The following CLDN18 variants were observed in gnomAD, a reference collection of about 807,000 sequenced individuals.
CLDN18 encodes claudin-18.
CLDN18 carries 20 observed loss-of-function variants against 25.0 expected under a neutral mutation model. The ratio of observed to expected loss-of-function variants is 0.80; its 90% CI spans 0.56 to 1.16. CLDN18 has a LOEUF of 1.16. Ranked by LOEUF, CLDN18 falls within the 50% of genes most tolerant of loss-of-function variation. The pLI is 0.00. For missense variants in CLDN18, 297 were observed against 345.4 expected (o/e 0.86, Z 1.11); for synonymous variants, 125 against 135.6 (o/e 0.92, Z 0.54).
intron 3 of CLDN18, among the ~76,000 whole-genome samples, chr3:138,026,910 T>C (rs1232498928): frequency 6.6e-6 from 1 of 152,162 alleles, no homozygotes; most frequent in Non-Finnish European, 1.5e-5. Context: ...TGAGCTTTCA[T>C]ACCTCGGTGC....
chr3:138,007,094 G>A (rs1437722881), upstream of CLDN18, among the ~76,000 whole-genome samples: 1 of 151,974 alleles, frequency 6.6e-6, no homozygotes, highest in Non-Finnish European at 1.5e-5. Context: ...GTATTGTCGG[G>A]GGAAGGTTAG....
At chr3:138,024,307 A>C (rs1208225237) in intron 2 of CLDN18, among the ~76,000 whole-genome samples, 1 of 152,206 alleles carries the variant, frequency 6.6e-6, no homozygotes, top group Non-Finnish European at 1.5e-5. Flanking sequence ...TTAAGGGAAG[A>C]TACTTTGACA....
intron 1 of CLDN18, among the ~76,000 whole-genome samples, chr3:137,999,624 C>G (rs1284159252): frequency 6.6e-6 from 1 of 152,124 alleles, no homozygotes; most frequent in African/African-American, 2.4e-5. Context: ...CAGATGGGCC[C>G]CTGCACTGGG....
intron 3 of CLDN18, among the ~76,000 whole-genome samples, chr3:138,025,274 G>A (rs752216815): frequency 1.3e-5 from 2 of 152,188 alleles, no homozygotes; most frequent in African/African-American, 4.8e-5. Context: ...ACTCTCACAG[G>A]GGGTACAGTC....
chr3:137,999,193 C>A, intron 1 of CLDN18: 1 of 1,020,352 alleles, frequency 9.8e-7, no homozygotes. Context: ...GAGGGAGGAA[C>A]TGCGATTCGT....
upstream of CLDN18, chr3:138,010,006 A>G (rs762888713): frequency 2.8e-6 from 2 of 724,782 alleles, no homozygotes; most frequent in Non-Finnish European, 4.3e-6. Flanking sequence ...CGGAGAGCAG[A>G]CAAGTGCCTC....
intron 1 of CLDN18, among the ~76,000 whole-genome samples, chr3:138,022,211 C>A (rs562709729): frequency 3.9e-5 from 6 of 152,128 alleles, no homozygotes; most frequent in African/African-American, 1.4e-4. Context: ...GTGTCCAGCA[C>A]AAACATTCTG....
rs369419550 is a variant in CLDN18, at chr3:138,023,556, T to C, written c.221-102T>C. ...ACTTTGCTGTCTCTCAGAGGTTTGG[T>C]GCAGGTTAGTTGTGGTTGCTTTGTT... is the stretch of plus-strand genomic sequence containing the variant. On this transcript the variant is annotated intron_variant, in intron 1 of 4. Coordinates refer to ENST00000183605, the MANE Select transcript of CLDN18 (RefSeq NM_016369.4). The C allele has an allele frequency of 2.0e-5, 22 of 1,123,046 alleles. No individual in the cohort carries two copies. The East Asian group carries it at 2.4e-4, about 12-fold the overall frequency. The allele number at this position is 1,123,046 out of a possible 1,614,324, so 69.6% of individuals were successfully genotyped here.
In CLDN18 at chr3:138,010,239, C is replaced by T; in HGVS notation, c.14C>T (p.Thr5Ile). 1 of 1,613,384 alleles carries T rather than the reference C, an allele frequency of 6.2e-7. No homozygotes were observed. Among genetic ancestry groups the T allele is most frequent in the East Asian group, 2.2e-5 (1 of 44,848 alleles). Residue 5 changes from threonine (T) to isoleucine (I), a missense_variant, in exon 1 of 5, where the codon ACA (threonine) becomes ATA (isoleucine). Coordinates refer to ENST00000183605, the MANE Select transcript of CLDN18 (RefSeq NM_016369.4). Reference sequence around the variant, plus strand: ...GCGGCCAGGATCATGTCCACCACCACATGCCAAGTGGTGGCGTTCCTCCTG... The same window carrying T: ...GCGGCCAGGATCATGTCCACCACCATATGCCAAGTGGTGGCGTTCCTCCTG... MSTTTCQVVAFLLSI... is the reference protein window; with the variant it reads MSTTICQVVAFLLSI...
chr3:138,030,696 T>G (rs1317943055), intron 4 of CLDN18, among the ~76,000 whole-genome samples: 1 of 152,200 alleles, frequency 6.6e-6, no homozygotes, highest in Non-Finnish European at 1.5e-5. Context: ...TCCAAAAATG[T>G]CCATTTGGAA....
chr3:138,001,985 G>A lies in CLDN18; in HGVS notation c.220+2897G>A, dbSNP rs530380994. On this transcript the variant is annotated intron_variant, in intron 1 of 4. Transcript: ENST00000343735. ...GTTCATTTTCATTTGGGGTGAAACA[G>A]GACAAAGAAACAACCTCAAACAAGT... Among the ~76,000 whole-genome samples, 55 of 151,906 alleles carry A rather than the reference G, an allele frequency of 3.6e-4. 1 individual carries two copies. Among genetic ancestry groups the A allele is most frequent in the Non-Finnish European group, 7.4e-4 (50 of 67,958 alleles).
At chr3:138,028,263 C>T (rs1409021913) in intron 3 of CLDN18, among the ~76,000 whole-genome samples, 2 of 152,092 alleles carry the variant, frequency 1.3e-5, no homozygotes, top group Non-Finnish European at 2.9e-5. Context: ...CGGGGCTTCA[C>T]CATGCTGGCC....
At chr3:138,012,996 T>A (rs1419408281) in intron 1 of CLDN18, among the ~76,000 whole-genome samples, 1 of 152,226 alleles carries the variant, frequency 6.6e-6, no homozygotes, top group Non-Finnish European at 1.5e-5. Flanking sequence ...AGCTTCTATG[T>A]GGTGTTTCCC....
chr3:138,031,261 C>T lies in CLDN18; in HGVS notation c.*120C>T, dbSNP rs543309126. The T allele has an allele frequency of 1.1e-5, 10 of 900,126 alleles. No individual in the cohort carries two copies. The highest frequency in any genetic ancestry group is 7.9e-5 in the East Asian group (3 of 37,742). 55.8% of individuals were successfully genotyped at this position (900,126 alleles called of 1,614,324 possible). A position where few individuals can be genotyped will look rare whatever the true frequency, so the allele number is the denominator to read the frequency against. ...TCACAGCTGGAAGTTAGAAAAGCCT[C>T]GATTTCATCTTTGGAGAGGCCAAAT... On this transcript the variant is annotated 3_prime_UTR_variant, in exon 5 of 5. Transcript: ENST00000183605.
chr3:138,025,606 AT>A (rs2107888332), intron 3 of CLDN18, among the ~76,000 whole-genome samples: 1 of 152,068 alleles, frequency 6.6e-6, no homozygotes, highest in Non-Finnish European at 1.5e-5. Context: ...ATCCCCATTC[AT>A]TTTTCTGCTT....
chr3:138,009,748 A>C (rs1421135670), upstream of CLDN18, among the ~76,000 whole-genome samples: 1 of 152,238 alleles, frequency 6.6e-6, no homozygotes, highest in African/African-American at 2.4e-5. Context: ...GTCGTTCATG[A>C]GTTGTGAGGA....
At chr3:138,028,648 G>A (rs568797868) in intron 3 of CLDN18, among the ~76,000 whole-genome samples, 8 of 152,256 alleles carry the variant, frequency 5.3e-5, no homozygotes, top group African/African-American at 1.9e-4. Flanking sequence ...ATTAAAATAC[G>A]CACTGACATC....
intron 3 of CLDN18, among the ~76,000 whole-genome samples, chr3:138,025,690 G>A (rs1443249169): frequency 6.6e-6 from 1 of 152,184 alleles, no homozygotes; most frequent in African/African-American, 2.4e-5. Flanking sequence ...AGTTACAGGT[G>A]CAACTTAGAA....
In CLDN18 at chr3:138,023,661, T is replaced by C. The variant is rs1169705902; in HGVS notation, c.224T>C (p.Met75Thr). ...TGTCTTGCCCCTTGTCCCACAGCCATGCTGCAGGCAGTGCGAGCCCTGATG... is the reference window on the plus strand; with the variant it reads ...TGTCTTGCCCCTTGTCCCACAGCCACGCTGCAGGCAGTGCGAGCCCTGATG... ...PYFTILGLPA[M>T]LQAVRALMIV... is the part of the protein sequence containing the mutation. The change falls in exon 2 of 5, where the codon ATG (methionine) becomes ACG (threonine). Residue 75 changes from methionine (M) to threonine (T), a missense_variant. By Grantham distance (81) the Met-to-Thr change is moderately conservative (BLOSUM62 -1). Transcript: ENST00000183605. 6.2e-7 allele frequency: 1 copy of C among 1,613,704 alleles called. No homozygotes were observed. Among genetic ancestry groups the C allele is most frequent in the Admixed American group, 1.7e-5 (1 of 60,014 alleles).
Sources: allele counts gnomAD v4.1 joint callset (sites outside exome capture counted in the v4.1 genomes callset), GRCh38; gene constraint gnomAD v4.1.1; transcripts MANE v1.5; gene names NCBI Gene and HGNC (gene_info 2026-07-23, HGNC 2026-07-21).